Variants in NRXN3 observed in about 807,000 individuals in gnomAD.
NRXN3 encodes the protein neurexin 3.
Under a neutral mutation model 137.6 loss-of-function variants are expected in NRXN3, and 32 were observed. The observed-to-expected ratio is 0.23, with a 90% CI of 0.18 to 0.31. The LOEUF (loss-of-function observed/expected upper bound fraction) is 0.31. NRXN3 is among the 10% of genes least tolerant of loss of function. The pLI, the probability that NRXN3 is intolerant of heterozygous loss-of-function variation, is 1.00. For missense variants in NRXN3, 1,574 were observed against 2,062.5 expected, an observed-to-expected ratio of 0.76 and a Z score of 4.59; for synonymous variants, 798 against 784.5, an observed-to-expected ratio of 1.02 and a Z score of -0.29.
intron 4 of NRXN3, among the ~76,000 whole-genome samples, chr14:78,473,151 C>T (rs1409717937): frequency 6.6e-6 from 1 of 151,900 alleles, no homozygotes; most frequent in Non-Finnish European, 1.5e-5. Context: ...GCCTGTAATC[C>T]CAGCACTTTG....
At chr14:79,502,868 A>G (rs771873877) in intron 16 of NRXN3, among the ~76,000 whole-genome samples, 2 of 151,660 alleles carry the variant, frequency 1.3e-5, no homozygotes, top group Non-Finnish European at 2.9e-5. Flanking sequence ...CTCATTTGCC[A>G]TCAGATTTAG....
intron 4 of NRXN3, among the ~76,000 whole-genome samples, chr14:78,369,469 T>C (rs2086484841): frequency 1.3e-5 from 2 of 152,162 alleles, no homozygotes. Context: ...TACCTTCTCT[T>C]GGATGTGCTG....
chr14:78,968,200 A>G lies in NRXN3; in HGVS notation c.2996A>G (p.Gln999Arg), dbSNP rs1421774997. The change falls in exon 14 of 21, where the codon CAA (glutamine) becomes CGA (arginine). Residue 999 changes from glutamine (Q) to arginine (R), a missense_variant. By Grantham distance (43) the Gln-to-Arg change is conservative. This residue lies in a region of NRXN3 where 718 missense variants were observed against 887.6 expected (regional missense o/e 0.81). Transcript: ENST00000335750. ...KGDLYMAGLAQGMYSNLPKLV... is the reference protein window; with the variant it reads ...KGDLYMAGLARGMYSNLPKLV... Reference sequence around the variant, plus strand: ...GATCTCTATATGGCTGGTCTGGCCCAAGGCATGTACAGCAACCTCCCAAAG... The same window carrying G: ...GATCTCTATATGGCTGGTCTGGCCCGAGGCATGTACAGCAACCTCCCAAAG... The G allele has an allele frequency of 6.2e-7, 1 of 1,613,622 alleles. No homozygotes were observed. Among genetic ancestry groups the G allele is most frequent in the Non-Finnish European group, 8.5e-7 (1 of 1,179,790 alleles).
chr14:79,207,342 G>A (rs904225651), intron 15 of NRXN3, among the ~76,000 whole-genome samples: 15 of 152,050 alleles, frequency 9.9e-5, no homozygotes, highest in African/African-American at 3.6e-4. Context: ...ACTTCTCTTC[G>A]AAAAACACTA....
At position 79,868,259 on chromosome 14, in the gene NRXN3, A is replaced by C. The variant is rs1264480639; in HGVS notation, c.*6295A>C. ...TATGCATGACTAACCAGGACCAAAA[A>C]GTTAATAAAAATACGAAAGTTTGGC... On this transcript the variant is annotated 3_prime_UTR_variant, in exon 21 of 21. Coordinates refer to ENST00000335750, the MANE Select transcript of NRXN3 (RefSeq NM_001330195.2). 1 of 152,240 alleles carries C rather than the reference A, an allele frequency of 6.6e-6. No homozygotes were observed. The highest frequency in any genetic ancestry group is 1.5e-5 in the Non-Finnish European group (1 of 68,034). The allele number at this position is 152,240 out of a possible 1,614,324, so 9.4% of individuals were successfully genotyped here. A position where few individuals can be genotyped will look rare whatever the true frequency, so the allele number is the denominator to read the frequency against.
intron 16 of NRXN3, among the ~76,000 whole-genome samples, chr14:79,560,516 T>TTTTTTTTTTG: frequency 8.1e-6 from 1 of 123,946 alleles, no homozygotes; most frequent in Non-Finnish European, 1.7e-5. Flanking sequence ...TTTTTTTTTT[T>TTTTTTTTTTG]TTTTTTTTTT....
chr14:79,291,794 G>A (rs1281006158), intron 15 of NRXN3, among the ~76,000 whole-genome samples: 2 of 151,492 alleles, frequency 1.3e-5, no homozygotes, highest in African/African-American at 4.9e-5. Context: ...TGAATGGTGG[G>A]AAAAAATTTC....
At chr14:79,329,470 T>C (rs1454317212) in intron 15 of NRXN3, among the ~76,000 whole-genome samples, 1 of 152,168 alleles carries the variant, frequency 6.6e-6, no homozygotes, top group Non-Finnish European at 1.5e-5. Flanking sequence ...TGCATACCCA[T>C]GAAGCTTCAC....
chr14:79,232,720 C>T (rs901404834), intron 15 of NRXN3, among the ~76,000 whole-genome samples: 1 of 152,084 alleles, frequency 6.6e-6, no homozygotes, highest in African/African-American at 2.4e-5. Context: ...AATCAGATCT[C>T]ATGCTTCAGG....
chr14:78,256,568 G>T (rs929836681), intron 2 of NRXN3, among the ~76,000 whole-genome samples: 1 of 152,196 alleles, frequency 6.6e-6, no homozygotes, highest in African/African-American at 2.4e-5. Flanking sequence ...CCCCCTTTTA[G>T]GGGGTGAGAA....
At chr14:78,646,320 G>A (rs946012203) in intron 5 of NRXN3, among the ~76,000 whole-genome samples, 10 of 152,138 alleles carry the variant, frequency 6.6e-5, no homozygotes, top group Admixed American at 5.2e-4. Flanking sequence ...AAAAATCAAA[G>A]TCTGTGCTGA....
chr14:78,854,389 T>A (rs182595678), intron 10 of NRXN3, among the ~76,000 whole-genome samples: 4 of 152,268 alleles, frequency 2.6e-5, no homozygotes, highest in Non-Finnish European at 4.4e-5. Context: ...CCTTTTTTTT[T>A]AATTGCACAA....
intron 4 of NRXN3, among the ~76,000 whole-genome samples, chr14:78,477,353 A>G (rs2095398220): frequency 6.6e-6 from 1 of 152,210 alleles, no homozygotes. Context: ...GATCAAGTGG[A>G]TAGATTGTGT....
At chr14:79,673,174 A>G (rs1447490121) in intron 17 of NRXN3, among the ~76,000 whole-genome samples, 3 of 152,072 alleles carry the variant, frequency 2.0e-5, no homozygotes, top group Non-Finnish European at 4.4e-5. Context: ...GGAATGAGTC[A>G]AGGACAAAGC....
intron 15 of NRXN3, among the ~76,000 whole-genome samples, chr14:79,252,411 G>C (rs2076061385): frequency 6.6e-6 from 1 of 152,180 alleles, no homozygotes; most frequent in Non-Finnish European, 1.5e-5. Context: ...ATATGGAAAA[G>C]AGTTTTCCTC....
At chr14:78,684,727 G>A (rs190498797) in intron 6 of NRXN3, among the ~76,000 whole-genome samples, 16 of 152,276 alleles carry the variant, frequency 1.1e-4, no homozygotes, top group Admixed American at 6.5e-4. Context: ...CCACAAGTTC[G>A]AGGCTGCAGT....
intron 10 of NRXN3, among the ~76,000 whole-genome samples, chr14:78,842,608 C>A (rs1251073888): frequency 2.0e-5 from 3 of 152,096 alleles, no homozygotes; most frequent in Non-Finnish European, 2.9e-5. Context: ...TGAGAGCAGA[C>A]AACCAGTCTG....
rs112977362 is a variant in NRXN3 at position 78,842,848 on chromosome 14, G to A, written c.2275+32504G>A. Among the ~76,000 whole-genome samples the A allele has an allele frequency of 5.0e-3, 768 of 152,236 alleles. 5 individuals are homozygous for A. Among genetic ancestry groups the A allele is most frequent in the Middle Eastern group, 0.017 (5 of 294 alleles). On this transcript the variant is annotated intron_variant, in intron 10 of 20. Coordinates refer to ENST00000335750, the MANE Select transcript of NRXN3 (RefSeq NM_001330195.2). ...CTTGCTTTTGAAAGAAGAGAAATGT[G>A]GCTCTGTTTTGCCTGGCTCACTGGC...
chr14:78,656,842 T>G (rs1370912098), intron 6 of NRXN3, among the ~76,000 whole-genome samples: 1 of 151,920 alleles, frequency 6.6e-6, no homozygotes, highest in Non-Finnish European at 1.5e-5. Flanking sequence ...GGGAGATTGA[T>G]ACCGTCCTGG....
Sources: allele counts gnomAD v4.1 joint callset (sites outside exome capture counted in the v4.1 genomes callset), GRCh38; gene constraint gnomAD v4.1.1; regional missense constraint gnomAD v4.1.1; transcripts MANE v1.5; gene names NCBI Gene and HGNC (gene_info 2026-07-23, HGNC 2026-07-21).